The following MYT1 variants were observed in gnomAD, a reference collection of about 807,000 sequenced individuals.
The protein encoded by MYT1 is myelin transcription factor 1.
MYT1 carries 23 observed loss-of-function variants against 123.0 expected under a neutral mutation model. The observed-to-expected ratio is 0.19, with a 90% CI of 0.13 to 0.26. MYT1 has a LOEUF of 0.26. Among genes scored for constraint, MYT1 ranks in the 10% least tolerant of loss-of-function variants. MYT1 has a pLI of 1.00. For synonymous variants in MYT1, 518 were observed against 575.3 expected (o/e 0.90, Z 1.43); for missense variants, 1,125 against 1,472.5 (o/e 0.76, Z 3.86).
At chr20:64,210,167 A>G (rs1011000255) in intron 7 of MYT1, among the ~76,000 whole-genome samples, 3 of 152,222 alleles carry the variant, frequency 2.0e-5, no homozygotes, top group Admixed American at 1.3e-4. Flanking sequence ...TGGGACAGAC[A>G]TAGGAGGACC....
intron 21 of MYT1, among the ~76,000 whole-genome samples, chr20:64,238,273 G>T (rs1216094695): frequency 6.6e-6 from 1 of 152,232 alleles, no homozygotes; most frequent in African/African-American, 2.4e-5. Flanking sequence ...GAGAATTTGG[G>T]CAGAGCCCCT....
chr20:64,168,719 G>T lies in MYT1; in HGVS notation c.-99+3980G>T, dbSNP rs1214920215. Among the ~76,000 whole-genome samples, 1 of 152,232 alleles carries T rather than the reference G, an allele frequency of 6.6e-6. No individual in the cohort carries two copies. The highest frequency in any genetic ancestry group is 1.5e-5 in the Non-Finnish European group (1 of 68,046). ...GGAGTTGATTGGATATGTTCCCTGT[G>T]CCTTGGGGTTTATTTGGGACTGTGG... On this transcript the variant is annotated intron_variant, in intron 1 of 22. Transcript: ENST00000328439. The surrounding 1 kb of genome is among the most constrained non-coding windows in gnomAD (Gnocchi z 6.1).
At chr20:64,197,792 C>G (rs1336144843) in intron 2 of MYT1, among the ~76,000 whole-genome samples, 1 of 152,222 alleles carries the variant, frequency 6.6e-6, no homozygotes, top group African/African-American at 2.4e-5. Flanking sequence ...CTGGGGGCTC[C>G]CCCATGACTC....
At position 64,223,508 on chromosome 20, in the gene MYT1, G is replaced by A. The variant is rs1019170315; in HGVS notation, c.2528+149G>A. ...CTGAGATGGGCAGAGGGGCAGGGCC[G>A]TGGAGGGGCCGATTCTGCTTGGCTG... On this transcript the variant is annotated intron_variant, in intron 16 of 22. Transcript: ENST00000328439. 1.0e-4 allele frequency: 88 copies of A among 872,242 alleles called. 1 individual carries two copies. The South Asian group carries it at 1.1e-3, about 11-fold the overall frequency. The allele number at this position is 872,242 out of a possible 1,614,324, so 54.0% of individuals were successfully genotyped here. A position where few individuals can be genotyped will look rare whatever the true frequency, so the allele number is the denominator to read the frequency against.
intron 4 of MYT1, among the ~76,000 whole-genome samples, chr20:64,201,391 T>A (rs1983294188): frequency 6.6e-6 from 1 of 152,218 alleles, no homozygotes. Flanking sequence ...CTTAAACTTT[T>A]TAATGGAGAA....
chr20:64,215,965 G>A (rs1050469261), intron 10 of MYT1, among the ~76,000 whole-genome samples: 1 of 152,046 alleles, frequency 6.6e-6, no homozygotes, highest in African/African-American at 2.4e-5. Flanking sequence ...TGCCACTGGG[G>A]TCAGGATCCA....
intron 17 of MYT1, 96 bp from the exon 18 acceptor site, chr20:64,227,791 TG>T: frequency 2.0e-6 from 1 of 509,946 alleles, no homozygotes; most frequent in Non-Finnish European, 3.6e-6. Context: ...CACCCCACCC[TG>T]GGGTCACAGA....
intron 16 of MYT1, among the ~76,000 whole-genome samples, chr20:64,223,755 G>A (rs1324458917): frequency 3.3e-5 from 5 of 152,108 alleles, no homozygotes; most frequent in African/African-American, 9.7e-5. Context: ...GCCGTGGCTC[G>A]GCAGGCCACA....
chr20:64,233,689 T>C (rs750646244), intron 19 of MYT1, among the ~76,000 whole-genome samples: 6 of 151,120 alleles, frequency 4.0e-5, no homozygotes, highest in Non-Finnish European at 7.4e-5. Flanking sequence ...AATTACTTAG[T>C]ATGGTGAATG....
chr20:64,208,012 G>GGAGGATGAAGAA lies in MYT1; in HGVS notation c.822_833dup (p.Asp274_Glu277dup). On this transcript the variant is annotated inframe_insertion, in exon 7 of 23. Transcript: ENST00000328439. The surrounding 1 kb of genome is among the most constrained non-coding windows in gnomAD (Gnocchi z 5.4). ...AGGAGGAGGAGGAAGAGGAGGAGGA[G>GGAGGATGAAGAA]GAGGATGAAGAAGAGGAAGAGGAAG... The GGAGGATGAAGAA allele has an allele frequency of 6.3e-7, 1 of 1,597,888 alleles. No individual in the cohort carries two copies. Among genetic ancestry groups the GGAGGATGAAGAA allele is most frequent in the Non-Finnish European group, 8.5e-7 (1 of 1,172,770 alleles).
chr20:64,231,006 G>A lies in MYT1; in HGVS notation c.2676-1158G>A, dbSNP rs1201452177. Among the ~76,000 whole-genome samples the A allele has an allele frequency of 6.6e-6, 1 of 152,096 alleles. No individual in the cohort carries two copies. On this transcript the variant is annotated intron_variant, in intron 18 of 22. Transcript: ENST00000328439. This position sits in a 1 kb window ranked among gnomAD's most constrained non-coding sequence, Gnocchi z 6.4. ...CCACTGGGCAGCGCAGCCCTGAGCC[G>A]CCTCTCACCCCTACGGCGGGAGCCT...
Position 64,217,080 on chromosome 20 carries a change from G to T in MYT1, c.1645G>T (p.Val549Leu). 1 of 1,613,632 alleles carries T rather than the reference G, an allele frequency of 6.2e-7. No individual in the cohort carries two copies. The change falls in exon 11 of 23, where the codon GTG becomes TTG. Residue 549 changes from valine (V) to leucine (L), a missense_variant. Coordinates refer to ENST00000328439, the MANE Select transcript of MYT1 (RefSeq NM_004535.3). ...SDRILRPMCF[V>L]KQLEVPPYGS... ...ACTGCACCCCAGGCCCATGTGCTTCGTGAAGCAGCTCGAGGTCCCTCCATA... is the reference window on the plus strand; with the variant it reads ...ACTGCACCCCAGGCCCATGTGCTTCTTGAAGCAGCTCGAGGTCCCTCCATA...
At chr20:64,220,628 G>T (rs1983972299) in intron 13 of MYT1, among the ~76,000 whole-genome samples, 1 of 152,266 alleles carries the variant, frequency 6.6e-6, no homozygotes, top group Non-Finnish European at 1.5e-5. Context: ...GCAAAGTCCA[G>T]CTGTGAGGGC....
rs138597061 is a variant in MYT1 at position 64,222,621 on chromosome 20, C to T, written c.2397-490C>T. ...ATTGCCAGCCACCTGTCCTAGGGGA[C>T]TGTGAGAGGCTGTGCCTGGCACCTG... On this transcript the variant is annotated intron_variant, in intron 14 of 22. Transcript: ENST00000328439. Among the ~76,000 whole-genome samples the T allele has an allele frequency of 5.5e-3, 835 of 152,370 alleles. 18 individuals carry two copies. In the South Asian group the frequency reaches 0.063, roughly 11 times the overall value.
chr20:64,235,689 G>GGTGGTGGGTGACACGGGGCTGGCC (rs1568722674), intron 19 of MYT1, among the ~76,000 whole-genome samples: 1 of 88,850 alleles, frequency 1.1e-5, no homozygotes, highest in Non-Finnish European at 2.2e-5. Flanking sequence ...CTGGGCTGGT[G>GGTGGTGGGTGACACGGGGCTGGCC]GTGGTGGGTG....
chr20:64,238,117 A>AAAG (rs1277472624), intron 21 of MYT1, among the ~76,000 whole-genome samples: 1 of 152,034 alleles, frequency 6.6e-6, no homozygotes, highest in African/African-American at 2.4e-5. Flanking sequence ...ATCAGAAAAA[A>AAAG]AAAAGCAGTA....
At chr20:64,198,258 G>C (rs1983187385) in intron 2 of MYT1, among the ~76,000 whole-genome samples, 2 of 133,214 alleles carry the variant, frequency 1.5e-5, no homozygotes, top group Non-Finnish European at 3.1e-5. Context: ...CTGCACTCCA[G>C]CCTGGGCGAC....
Position 64,208,255 on chromosome 20 carries a change from C to T in MYT1, c.1059C>T (p.Asp353=), listed in dbSNP as rs376151221. 36 of 1,614,014 alleles carry T rather than the reference C, an allele frequency of 2.2e-5. No homozygotes were observed. The Middle Eastern group carries it at 2.0e-3, about 88-fold the overall frequency. Residue 353 remains aspartate (D), a synonymous_variant, in exon 7 of 23, where the codon GAC becomes GAT. Transcript: ENST00000328439. This position sits in a 1 kb window ranked among gnomAD's most constrained non-coding sequence, Gnocchi z 5.4. The part of the protein sequence containing the change: ...IVEVRSDDDK[D]EDTHSRKSTV... ...AGGTCCGCTCGGATGATGACAAGGA[C>T]GAGGACACCCACTCCCGGAAGTCAA...
chr20:64,177,570 T>G (rs771592000), intron 1 of MYT1, among the ~76,000 whole-genome samples: 44 of 130,256 alleles, frequency 3.4e-4, no homozygotes, highest in South Asian at 6.2e-4. Flanking sequence ...CTCTCCAGGG[T>G]GGGGACAAGA....
Sources: allele counts gnomAD v4.1 joint callset (sites outside exome capture counted in the v4.1 genomes callset), GRCh38; gene constraint gnomAD v4.1.1; non-coding constraint Gnocchi (gnomAD v3.1); transcripts MANE v1.5; gene names NCBI Gene and HGNC (gene_info 2026-07-23, HGNC 2026-07-21).